Variants in PPP2R3B observed in about 807,000 individuals in gnomAD.
The protein encoded by PPP2R3B is serine/threonine-protein phosphatase 2A regulatory subunit B'' subunit beta.
Under a neutral mutation model 72.9 loss-of-function variants are expected in PPP2R3B, and 68 were observed. The ratio of observed to expected loss-of-function variants is 0.93; its 90% CI spans 0.77 to 1.14. The LOEUF is 1.14. PPP2R3B is among the 50% of genes most tolerant of loss of function. PPP2R3B has a pLI of 0.00. For synonymous variants in PPP2R3B, 466 were observed against 375.8 expected (o/e 1.24, Z -2.78); for missense variants, 1,018 against 842.0 (o/e 1.21, Z -2.59).
chrX:347,333 G>A lies in PPP2R3B; in HGVS notation c.618C>T (p.Ile206=), dbSNP rs1342409546. 1.1e-4 allele frequency: 174 copies of A among 1,613,714 alleles called. No homozygotes were observed. The highest frequency in any genetic ancestry group is 1.4e-4 in the Non-Finnish European group (164 of 1,179,732). Residue 206 remains isoleucine, a synonymous_variant, in exon 4 of 13, where the codon ATC becomes ATT. Transcript: ENST00000390665. Reference sequence around the variant, plus strand: ...CCGCGTCGTCGTGGCAGTTCTGGAGGATTCTGGAAGGACAGGATGACTGGG... The same window carrying A: ...CCGCGTCGTCGTGGCAGTTCTGGAGAATTCTGGAAGGACAGGATGACTGGG... The part of the protein sequence containing the change: ...VHKFVAMWRK[I]LQNCHDDAAK...
chrX:344,770 G>C (rs183380419), intron 7 of PPP2R3B: 1 of 256,112 alleles, frequency 3.9e-6, no homozygotes, highest in East Asian at 1.0e-4. Flanking sequence ...GTGCGCGTCC[G>C]ACGCAGGGAT....
At position 334,442 on chromosome X, in the gene PPP2R3B, G is replaced by C. The variant is rs148086983; in HGVS notation, c.1653C>G (p.Phe551Leu). The C allele has an allele frequency of 6.9e-6, 11 of 1,595,562 alleles. No homozygotes were observed. The African/African-American group carries it at 1.4e-4, about 20-fold the overall frequency. ...CGGCGCCCAGCGGTGAGGGCGCCTCGAAGAAGGGCCTCTGGGCCAGCGGGG... is the reference window on the plus strand; with the variant it reads ...CGGCGCCCAGCGGTGAGGGCGCCTCCAAGAAGGGCCTCTGGGCCAGCGGGG... ...LRSPLAQRPFFEAPSPLGAVD... is the reference protein window; with the variant it reads ...LRSPLAQRPFLEAPSPLGAVD... Residue 551 changes from phenylalanine (F) to leucine (L), a missense_variant, in exon 13 of 13, where the codon TTC becomes TTG. Coordinates refer to ENST00000390665, the MANE Select transcript of PPP2R3B (RefSeq NM_013239.5).
intron 2 of PPP2R3B, among the ~76,000 whole-genome samples, chrX:361,041 G>A (rs1371787083): frequency 6.6e-6 from 1 of 152,218 alleles, no homozygotes; most frequent in Admixed American, 6.5e-5. Flanking sequence ...CCAGGAGGGT[G>A]CAGAACGGCC....
chrX:370,298 T>C (rs4606239), intron 1 of PPP2R3B, among the ~76,000 whole-genome samples: 1 of 152,096 alleles, frequency 6.6e-6, no homozygotes, highest in Admixed American at 6.5e-5. Context: ...TGGGCTAACA[T>C]TCACTCAGAC....
At chrX:340,298 C>T (rs1426930066) in intron 10 of PPP2R3B, among the ~76,000 whole-genome samples, 1 of 150,574 alleles carries the variant, frequency 6.6e-6, no homozygotes, top group Non-Finnish European at 1.5e-5. Context: ...CGGTGAGCTC[C>T]GGCCCTAGGT....
At chrX:339,316 T>C (rs963725866) in intron 10 of PPP2R3B, among the ~76,000 whole-genome samples, 2 of 140,976 alleles carry the variant, frequency 1.4e-5, no homozygotes, top group African/African-American at 2.7e-5. Context: ...CTCAGAGCCA[T>C]TTCCAAAGTG....
chrX:361,415 A>G lies in PPP2R3B; in HGVS notation c.500T>C (p.Leu167Pro). ...ACGCGTGACACGTACCTTGGCCACCAGGCCCATGTCATCCATGGTGGCCCT... is the reference window on the plus strand; with the variant it reads ...ACGCGTGACACGTACCTTGGCCACCGGGCCCATGTCATCCATGGTGGCCCT... ...HERATMDDMG[L>P]VAKACGCPLY... Residue 167 changes from leucine (L) to proline (P), a missense_variant, in exon 2 of 13, where the codon CTG becomes CCG. Leu to Pro is a moderately conservative substitution (Grantham distance 98). Coordinates refer to ENST00000390665, the MANE Select transcript of PPP2R3B (RefSeq NM_013239.5). 1.2e-6 allele frequency: 2 copies of G among 1,613,968 alleles called. No individual in the cohort carries two copies. The highest frequency in any genetic ancestry group is 2.2e-5 in the East Asian group (1 of 44,868).
chrX:346,108 G>C, intron 6 of PPP2R3B, 66 bp downstream of exon 6: 1 of 1,118,898 alleles, frequency 8.9e-7, no homozygotes, highest in Non-Finnish European at 1.2e-6. Flanking sequence ...GGAGGGAAGG[G>C]AAGGGAGTGG....
chrX:357,445 A>G (rs2738385), intron 2 of PPP2R3B, among the ~76,000 whole-genome samples: 43,596 of 151,948 alleles, frequency 0.29, 6,690 homozygotes, highest in East Asian at 0.38. Flanking sequence ...TATTCATGAG[A>G]GAAAGAACTG....
At chrX:345,707 C>G in intron 6 of PPP2R3B, 35 bp from the exon 7 acceptor site, 1 of 1,600,764 alleles carries the variant, frequency 6.2e-7, no homozygotes, top group South Asian at 1.1e-5. Flanking sequence ...AGCGCGGGGC[C>G]TCTGCGGGGA....
At chrX:338,401 C>T (rs182913868) in intron 12 of PPP2R3B, 129 of 626,732 alleles carry the variant, frequency 2.1e-4, no homozygotes, top group African/African-American at 1.5e-3. Context: ...CAGACTGCAC[C>T]GAGGCCCGGC....
chrX:340,797 T>TGGCAGAGGCAGTCCTGGAAG lies in PPP2R3B; in HGVS notation c.1299_1318dup (p.Gln440ProfsTer26). The TGGCAGAGGCAGTCCTGGAAG allele has an allele frequency of 1.2e-6, 2 of 1,600,958 alleles. No homozygotes were observed. The highest frequency in any genetic ancestry group is 3.4e-5 in the Admixed American group (2 of 58,918). ...CCTCGGCTTGACCAGGTCCAGCATC[T>TGGCAGAGGCAGTCCTGGAAG]GGCAGAGGCAGTCCTGGAAGGGCAG... On this transcript the variant is annotated frameshift_variant, in exon 10 of 13. Transcript: ENST00000390665. LOFTEE classifies it high-confidence loss of function.
chrX:354,607 A>C (rs1354526599), intron 2 of PPP2R3B, among the ~76,000 whole-genome samples: 1 of 152,224 alleles, frequency 6.6e-6, no homozygotes, highest in African/African-American at 2.4e-5. Flanking sequence ...TCCCAGCACC[A>C]TGAGAGGCTG....
intron 1 of PPP2R3B, chrX:373,495 C>G (rs1259274294): frequency 6.4e-6 from 1 of 155,274 alleles, no homozygotes; most frequent in African/African-American, 2.4e-5. Context: ...GGAGGCCTCG[C>G]CCGGTGTCGG....
At chrX:341,489 G>GCCCCC (rs200690031) in intron 8 of PPP2R3B, 93 bp from the exon 9 acceptor site, 7 of 1,259,690 alleles carry the variant, frequency 5.6e-6, no homozygotes, top group African/African-American at 2.9e-5. Context: ...GGTGAGGGGA[G>GCCCCC]CCCCCCGGGC....
chrX:336,872 C>CT (rs1373714143), intron 12 of PPP2R3B: 7 of 135,720 alleles, frequency 5.2e-5, no homozygotes, highest in African/African-American at 1.4e-4. Context: ...CGCCCATGGA[C>CT]TGGGCCTCCT....
chrX:385,751 A>C (rs971565131), intron 1 of PPP2R3B, among the ~76,000 whole-genome samples: 2 of 152,110 alleles, frequency 1.3e-5, no homozygotes, highest in Non-Finnish European at 2.9e-5. Flanking sequence ...AGCCTAGGAG[A>C]CAGAGCAAGA....
At chrX:346,395 G>T (rs1327555151) in intron 5 of PPP2R3B, 135 bp from the exon 6 acceptor site, 1 of 870,440 alleles carries the variant, frequency 1.1e-6, no homozygotes, top group Non-Finnish European at 1.8e-6. Flanking sequence ...GGCGGGGGCA[G>T]AGGGAAGGGC....
intron 2 of PPP2R3B, among the ~76,000 whole-genome samples, chrX:360,243 AC>A (rs1284817772): frequency 9.2e-5 from 14 of 152,348 alleles, no homozygotes; most frequent in African/African-American, 2.9e-4. Context: ...AGTTAAAAAA[AC>A]AAAACCCGGC....
Sources: allele counts gnomAD v4.1 joint callset (sites outside exome capture counted in the v4.1 genomes callset), GRCh38; gene constraint gnomAD v4.1.1; transcripts MANE v1.5; gene names NCBI Gene and HGNC (gene_info 2026-07-23, HGNC 2026-07-21).